NEGR1: variants seen among roughly 807,000 people sequenced by gnomAD.
The protein encoded by NEGR1 is IgLON family member 4.
In NEGR1, 10 loss-of-function variants were observed where a neutral mutation model predicts 40.9. The ratio of observed to expected loss-of-function variants is 0.24; its 90% CI spans 0.15 to 0.42. The LOEUF (loss-of-function observed/expected upper bound fraction) is 0.42, where lower values mean the gene tolerates loss of function less well. NEGR1 is among the 10% of genes least tolerant of loss of function. The probability of loss-of-function intolerance (pLI) is 1.00; values close to 1 mark genes in which losing one functional copy is unlikely to be tolerated. For synonymous variants in NEGR1, 185 were observed against 166.8 expected (o/e 1.11, Z -0.84); for missense variants, 352 against 438.9 (o/e 0.80, Z 1.77).
chr1:71,923,126 C>G (rs1346251950), intron 2 of NEGR1, among the ~76,000 whole-genome samples: 1 of 152,094 alleles, frequency 6.6e-6, no homozygotes, highest in Admixed American at 6.5e-5. Context: ...ATATGCAGCC[C>G]CTGTTCTGCT....
At chr1:72,070,962 G>T (rs879353748) in intron 1 of NEGR1, among the ~76,000 whole-genome samples, 3 of 151,876 alleles carry the variant, frequency 2.0e-5, no homozygotes, top group Non-Finnish European at 4.4e-5. Context: ...ACTTCTAAAA[G>T]CCCATGACCT....
intron 5 of NEGR1, among the ~76,000 whole-genome samples, chr1:71,601,747 T>A (rs1649926066): frequency 6.6e-6 from 1 of 151,652 alleles, no homozygotes; most frequent in African/African-American, 2.4e-5. Context: ...TAAGTGGGAG[T>A]TAAAAAATGG....
At chr1:71,667,743 C>A (rs1027165296) in intron 4 of NEGR1, among the ~76,000 whole-genome samples, 12 of 152,136 alleles carry the variant, frequency 7.9e-5, no homozygotes, top group Non-Finnish European at 1.6e-4. Context: ...ATCTCCAAAG[C>A]TTGACTATCG....
chr1:71,710,552 A>G (rs2101642373), intron 3 of NEGR1, among the ~76,000 whole-genome samples: 1 of 152,350 alleles, frequency 6.6e-6, no homozygotes, highest in Non-Finnish European at 1.5e-5. Context: ...CCATAACAAA[A>G]TGAGATCCTT....
intron 2 of NEGR1, among the ~76,000 whole-genome samples, chr1:71,806,884 A>T (rs1570372856): frequency 6.9e-6 from 1 of 144,856 alleles, no homozygotes; most frequent in Middle Eastern, 3.8e-3. Context: ...AAACATGTCG[A>T]TCTGTTTTTT....
Position 72,050,136 on chromosome 1 carries a change from T to C in NEGR1, c.177-114825A>G, listed in dbSNP as rs369866887. Among the ~76,000 whole-genome samples, 28 of 151,606 alleles carry C rather than the reference T, an allele frequency of 1.8e-4. 1 individual carries two copies. In the East Asian group the frequency reaches 4.7e-3, roughly 25 times the overall value. On this transcript the variant is annotated intron_variant, in intron 1 of 6. Coordinates refer to ENST00000357731, the MANE Select transcript of NEGR1 (RefSeq NM_173808.3). ...TATATTGTAAAAAAGGTCAAAAAGT[T>C]TAAGAAAATCATAATTTAAAAATTA...
At chr1:71,721,348 A>T (rs1277411742) in intron 3 of NEGR1, among the ~76,000 whole-genome samples, 1 of 152,144 alleles carries the variant, frequency 6.6e-6, no homozygotes, top group Non-Finnish European at 1.5e-5. Flanking sequence ...TTAATGGAAG[A>T]TGTGGTTGGC....
At chr1:72,123,085 A>T (rs554027582) in intron 1 of NEGR1, among the ~76,000 whole-genome samples, 2 of 152,056 alleles carry the variant, frequency 1.3e-5, no homozygotes, top group South Asian at 4.1e-4. Context: ...AGCACTAGTC[A>T]ATCTCCATGT....
At chr1:72,266,253 A>C (rs1332650141) in intron 1 of NEGR1, among the ~76,000 whole-genome samples, 1 of 151,018 alleles carries the variant, frequency 6.6e-6, no homozygotes, top group Non-Finnish European at 1.5e-5. Flanking sequence ...AAATGGATCT[A>C]TGTAAACTAT....
intron 3 of NEGR1, among the ~76,000 whole-genome samples, chr1:71,751,501 C>G (rs1239009401): frequency 2.2e-4 from 34 of 152,150 alleles, no homozygotes; most frequent in Admixed American, 2.2e-3. Flanking sequence ...TTTGACTTCC[C>G]AAATCCCAAA....
At chr1:71,863,626 T>C (rs1386429713) in intron 2 of NEGR1, among the ~76,000 whole-genome samples, 1 of 152,144 alleles carries the variant, frequency 6.6e-6, no homozygotes, top group East Asian at 1.9e-4. Flanking sequence ...AAAAGAAATA[T>C]GTGAATACAC....
intron 1 of NEGR1, among the ~76,000 whole-genome samples, chr1:72,266,941 A>C (rs2100552882): frequency 6.6e-6 from 1 of 151,240 alleles, no homozygotes; most frequent in South Asian, 2.1e-4. Flanking sequence ...TAAGTCCCTA[A>C]AGCATACCGG....
intron 1 of NEGR1, among the ~76,000 whole-genome samples, chr1:72,174,731 G>C (rs1263695502): frequency 2.0e-5 from 3 of 151,914 alleles, no homozygotes; most frequent in Non-Finnish European, 4.4e-5. Flanking sequence ...TGGGCCAAAA[G>C]AGCAGGAAGT....
intron 4 of NEGR1, among the ~76,000 whole-genome samples, chr1:71,662,666 C>G (rs976849586): frequency 6.6e-6 from 1 of 151,032 alleles, no homozygotes; most frequent in East Asian, 1.9e-4. Context: ...ATATTTATAA[C>G]GTCAAAATAT....
chr1:71,827,778 CG>C (rs1658688331), intron 2 of NEGR1, among the ~76,000 whole-genome samples: 1 of 151,364 alleles, frequency 6.6e-6, no homozygotes, highest in Non-Finnish European at 1.5e-5. Context: ...AACTATACCG[CG>C]AGAGAGACAG....
chr1:71,881,899 A>G (rs1380082912), intron 2 of NEGR1, among the ~76,000 whole-genome samples: 2 of 152,132 alleles, frequency 1.3e-5, no homozygotes, highest in African/African-American at 4.8e-5. Context: ...AAAAGCAGCC[A>G]GTTCTTAGAA....
chr1:71,927,818 TAAAAAA>T (rs35429988), intron 2 of NEGR1, among the ~76,000 whole-genome samples: 78 of 22,416 alleles, frequency 3.5e-3, no homozygotes, highest in African/African-American at 0.011. Context: ...ACCCAATCTC[TAAAAAA>T]AAAAAAAAAA....
intron 1 of NEGR1, among the ~76,000 whole-genome samples, chr1:72,002,692 T>A: frequency 6.6e-6 from 1 of 152,214 alleles, no homozygotes; most frequent in East Asian, 1.9e-4. Flanking sequence ...ATTAAAAATT[T>A]ACTATTCGTA....
intron 6 of NEGR1, among the ~76,000 whole-genome samples, chr1:71,462,384 C>T (rs564783360): frequency 6.6e-6 from 1 of 152,176 alleles, no homozygotes; most frequent in East Asian, 1.9e-4. Context: ...AGGTAGAGGG[C>T]AATGGAGATG....
Sources: allele counts gnomAD v4.1 joint callset (sites outside exome capture counted in the v4.1 genomes callset), GRCh38; gene constraint gnomAD v4.1.1; transcripts MANE v1.5; gene names NCBI Gene and HGNC (gene_info 2026-07-23, HGNC 2026-07-21).